Variants in SFMBT2 observed in about 807,000 individuals in gnomAD.
The protein encoded by SFMBT2 is Scm like with four mbt domains 2.
SFMBT2 carries 38 observed loss-of-function variants against 110.1 expected under a neutral mutation model. That is an observed-to-expected ratio of 0.35 (90% CI 0.27 to 0.45). The LOEUF (loss-of-function observed/expected upper bound fraction) is 0.45, where lower values mean the gene tolerates loss of function less well. Among genes scored for constraint, SFMBT2 ranks in the 20% least tolerant of loss-of-function variants. The pLI is 1.00. For missense variants in SFMBT2, 1,011 were observed against 1,094.9 expected, an observed-to-expected ratio of 0.92 and a Z score of 1.08; for synonymous variants, 425 against 425.4, an observed-to-expected ratio of 1.00 and a Z score of 0.01.
At position 7,188,632 on chromosome 10, in the gene SFMBT2, C is replaced by G. The variant is rs373706082; in HGVS notation, c.1800G>C (p.Leu600=). Residue 600 remains leucine, a synonymous_variant, in exon 16 of 21, where the codon CTG becomes CTC. Transcript: ENST00000397167. ...DPHWNFQEET[L]KAKYRGKTYR... ...GAATTGAAAACACTTACTTGGCCTT[C>G]AGCGTCTCTTCCTGGAAATTCCAGT... 3 of 1,613,272 alleles carry G rather than the reference C, an allele frequency of 1.9e-6. No homozygotes were observed. Among genetic ancestry groups the G allele is most frequent in the Non-Finnish European group, 2.5e-6 (3 of 1,179,442 alleles).
chr10:7,331,622 T>C (rs1843559919), intron 4 of SFMBT2, among the ~76,000 whole-genome samples: 1 of 152,142 alleles, frequency 6.6e-6, no homozygotes, highest in African/African-American at 2.4e-5. Context: ...CCTTCCTCTC[T>C]TCCTGCGCCC....
rs1588515936 is a variant in SFMBT2 at position 7,405,206 on chromosome 10, T to C, written c.-52+5655A>G. 3.9e-5 allele frequency among the ~76,000 whole-genome samples: 6 copies of C among 152,296 alleles called. No individual in the cohort carries two copies. The South Asian group carries it at 1.0e-3, about 26-fold the overall frequency. ...ACCAGAAGGCTGCAATCATCATCCA[T>C]ATCATAAACATGGACCCATGAGGTC... On this transcript the variant is annotated intron_variant, in intron 1 of 20. Transcript: ENST00000397167.
chr10:7,207,888 C>G (rs79326287), intron 11 of SFMBT2, among the ~76,000 whole-genome samples: 1 of 152,338 alleles, frequency 6.6e-6, no homozygotes, highest in Non-Finnish European at 1.5e-5. Context: ...TGTCATTCAT[C>G]ATTTTGAACT....
chr10:7,228,850 A>C (rs1443402422), intron 9 of SFMBT2, among the ~76,000 whole-genome samples: 2 of 150,712 alleles, frequency 1.3e-5, no homozygotes, highest in African/African-American at 4.9e-5. Context: ...AACTATATAA[A>C]TGTCCATCAT....
At chr10:7,205,097 CAG>C (rs1839084922) in intron 12 of SFMBT2, 1 of 296,854 alleles carries the variant, frequency 3.4e-6, no homozygotes, top group Non-Finnish European at 5.0e-6. Context: ...TTTTTTGAGA[CAG>C]AGTCTCACCC....
At chr10:7,177,859 TA>T (rs58162082) in intron 16 of SFMBT2, among the ~76,000 whole-genome samples, 107 of 146,060 alleles carry the variant, frequency 7.3e-4, no homozygotes, top group African/African-American at 2.0e-3. Flanking sequence ...CTCTGTCTCT[TA>T]AAAAAAAAAA....
At chr10:7,286,156 C>A (rs1321393257) in intron 4 of SFMBT2, among the ~76,000 whole-genome samples, 1 of 152,186 alleles carries the variant, frequency 6.6e-6, no homozygotes, top group Non-Finnish European at 1.5e-5. Context: ...CAACTTGACA[C>A]ATACCACATG....
chr10:7,409,501 A>G (rs547933621), intron 1 of SFMBT2, among the ~76,000 whole-genome samples: 1 of 152,274 alleles, frequency 6.6e-6, no homozygotes, highest in East Asian at 1.9e-4. Context: ...CACACACCCA[A>G]AAAAACTGCG....
chr10:7,376,203 G>A (rs1051457943), intron 2 of SFMBT2, among the ~76,000 whole-genome samples: 5 of 152,054 alleles, frequency 3.3e-5, no homozygotes, highest in African/African-American at 1.2e-4. Context: ...TCCCAGCATT[G>A]GAATTTCCGC....
At chr10:7,256,854 G>T (rs146023312) in intron 7 of SFMBT2, among the ~76,000 whole-genome samples, 2 of 152,262 alleles carry the variant, frequency 1.3e-5, no homozygotes, top group East Asian at 3.9e-4. Flanking sequence ...TGAGAAGCTG[G>T]AAATTTACTT....
intron 9 of SFMBT2, among the ~76,000 whole-genome samples, chr10:7,237,276 A>G (rs1025770501): frequency 2.0e-5 from 3 of 152,226 alleles, no homozygotes; most frequent in Non-Finnish European, 4.4e-5. Flanking sequence ...AATCCCTTCA[A>G]TGTTCACCAA....
chr10:7,268,190 A>G (rs1206982253), intron 7 of SFMBT2, among the ~76,000 whole-genome samples: 4 of 152,162 alleles, frequency 2.6e-5, no homozygotes, highest in Non-Finnish European at 4.4e-5. Context: ...CTCTAGCCCT[A>G]GTTTTAAAAC....
At chr10:7,280,450 A>C (rs1370229620) in intron 6 of SFMBT2, among the ~76,000 whole-genome samples, 4 of 152,252 alleles carry the variant, frequency 2.6e-5, no homozygotes, top group Admixed American at 6.5e-5. Context: ...TTCTAGAAAT[A>C]GAGAAAGAAA....
intron 1 of SFMBT2, among the ~76,000 whole-genome samples, chr10:7,405,004 C>G (rs915360185): frequency 6.6e-6 from 1 of 152,208 alleles, no homozygotes; most frequent in African/African-American, 2.4e-5. Flanking sequence ...CTTATTTACA[C>G]TTGACTTAAA....
In SFMBT2 at chr10:7,203,718, T is replaced by C. The variant is rs908531724; in HGVS notation, c.1445-1196A>G. On this transcript the variant is annotated intron_variant, in intron 12 of 20. Transcript: ENST00000397167. ...GCTGAGCAAGGTCAGAATCTGCAGC[T>C]TTTTTTTTGTGAGACAGAGCGGAGT... 16 of 917,962 alleles carry C rather than the reference T, an allele frequency of 1.7e-5. No homozygotes were observed. The African/African-American group carries it at 2.7e-4, about 16-fold the overall frequency. 56.9% of individuals were successfully genotyped at this position (917,962 alleles called of 1,614,324 possible).
At chr10:7,327,938 G>C (rs532087829) in intron 4 of SFMBT2, among the ~76,000 whole-genome samples, 79 of 152,270 alleles carry the variant, frequency 5.2e-4, no homozygotes, top group Non-Finnish European at 1.0e-3. Context: ...ATCTTACCCA[G>C]GTTTTATGTG....
intron 20 of SFMBT2, 135 bp from the exon 21 acceptor site, chr10:7,164,045 G>C: frequency 2.2e-6 from 3 of 1,383,974 alleles, no homozygotes; most frequent in Non-Finnish European, 2.8e-6. Flanking sequence ...GGGATTGTTG[G>C]TAGAGATACC....
chr10:7,235,615 TAC>T (rs145236926), intron 9 of SFMBT2, among the ~76,000 whole-genome samples: 2 of 151,092 alleles, frequency 1.3e-5, no homozygotes, highest in Non-Finnish European at 3.0e-5. Flanking sequence ...ACATATTAGA[TAC>T]ACACACACAC....
chr10:7,170,381 T>A lies in SFMBT2; in HGVS notation c.2544+547A>T, dbSNP rs1375340658. Among the ~76,000 whole-genome samples the A allele has an allele frequency of 2.6e-5, 4 of 152,108 alleles. No individual in the cohort carries two copies. The highest frequency in any genetic ancestry group is 2.1e-4 in the South Asian group (1 of 4,828). ...GACAAAAAACCGTGAGACAGCAGCA[T>A]CTCTTCTGCAGCTGAACATCACAGG... On this transcript the variant is annotated intron_variant, in intron 20 of 20. Coordinates refer to ENST00000397167, the MANE Select transcript of SFMBT2 (RefSeq NM_001387889.1). The surrounding 1 kb of genome is among the most constrained non-coding windows in gnomAD (Gnocchi z 4.6).
Sources: allele counts gnomAD v4.1 joint callset (sites outside exome capture counted in the v4.1 genomes callset), GRCh38; gene constraint gnomAD v4.1.1; non-coding constraint Gnocchi (gnomAD v3.1); transcripts MANE v1.5; gene names NCBI Gene and HGNC (gene_info 2026-07-23, HGNC 2026-07-21).